Variants in RARB observed in about 807,000 individuals in gnomAD.
The protein encoded by RARB is retinoic acid receptor beta, also known as HBV-activated protein.
RARB carries 17 observed loss-of-function variants against 51.9 expected under a neutral mutation model. The observed-to-expected ratio is 0.33, with a 90% CI of 0.22 to 0.49. The LOEUF is 0.49. RARB is among the 20% of genes least tolerant of loss of function. The pLI is 0.99. For missense variants in RARB, 369 were observed against 550.8 expected (o/e 0.67, Z 3.30); for synonymous variants, 215 against 195.4 (o/e 1.10, Z -0.84).
chr3:25,256,858 A>G (rs956636349), intron 5 of RARB, among the ~76,000 whole-genome samples: 4 of 151,190 alleles, frequency 2.6e-5, no homozygotes, highest in Admixed American at 6.6e-5. Context: ...GGCACAGCAT[A>G]TTTTTTAGAG....
At chr3:25,087,974 A>G (rs568328037) in intron 3 of RARB, among the ~76,000 whole-genome samples, 18 of 152,064 alleles carry the variant, frequency 1.2e-4, no homozygotes, top group African/African-American at 3.6e-4. Flanking sequence ...TCTCCTAAGT[A>G]TAGGAACAAA....
At chr3:24,937,598 C>T (rs115223511) in intron 2 of RARB, among the ~76,000 whole-genome samples, 6 of 151,990 alleles carry the variant, frequency 3.9e-5, no homozygotes, top group Admixed American at 2.6e-4. Context: ...CAGTAGCGTG[C>T]GATACGGGAA....
intron 2 of RARB, among the ~76,000 whole-genome samples, chr3:25,045,460 A>C (rs1375899462): frequency 1.3e-5 from 2 of 152,160 alleles, no homozygotes; most frequent in African/African-American, 4.8e-5. Context: ...CCTTCCTGAC[A>C]TTCAAAGCCA....
chr3:25,116,216 A>C (rs1490951917), intron 3 of RARB, among the ~76,000 whole-genome samples: 1 of 152,176 alleles, frequency 6.6e-6, no homozygotes, highest in Non-Finnish European at 1.5e-5. Flanking sequence ...GAAATTGTAT[A>C]CTGCAGCAAC....
chr3:25,497,725 C>T (rs1465540725), intron 2 of RARB, among the ~76,000 whole-genome samples: 1 of 152,190 alleles, frequency 6.6e-6, no homozygotes. Context: ...CCTCCACTCT[C>T]TCCTCTCAGG....
intron 3 of RARB, among the ~76,000 whole-genome samples, chr3:25,079,711 T>G (rs1326216115): frequency 6.6e-6 from 1 of 152,208 alleles, no homozygotes; most frequent in Non-Finnish European, 1.5e-5. Context: ...TATATTACTT[T>G]TGTTTTAGAA....
At chr3:25,084,568 A>G (rs1219257980) in intron 3 of RARB, among the ~76,000 whole-genome samples, 4 of 152,032 alleles carry the variant, frequency 2.6e-5, no homozygotes, top group Non-Finnish European at 5.9e-5. Flanking sequence ...AACATCTCAG[A>G]TATTTTATGA....
chr3:25,054,579 T>C (rs1698400119), intron 2 of RARB, among the ~76,000 whole-genome samples: 1 of 152,158 alleles, frequency 6.6e-6, no homozygotes, highest in Non-Finnish European at 1.5e-5. Flanking sequence ...AGGCTGACTC[T>C]CAACAGTGTG....
intron 1 of RARB, among the ~76,000 whole-genome samples, chr3:24,843,416 G>A (rs1339632839): frequency 6.6e-6 from 1 of 152,100 alleles, no homozygotes; most frequent in Non-Finnish European, 1.5e-5. Context: ...TCATTGCCCT[G>A]AATTTACATT....
rs1391532900 is a variant in RARB, at chr3:25,419,940, G to GCAAAAAAAAAAAAA, written c.179-41253_179-41252insCAAAAAAAAAAAAA. Reference sequence around the variant, plus strand: ...AACAAAATGCAAAAAACTAATTTTGGAAGCCACCATGATATCTTCTCTAAG... The same window carrying GCAAAAAAAAAAAAA: ...AACAAAATGCAAAAAACTAATTTTGGCAAAAAAAAAAAAAAAGCCACCATGATATCTTCTCTAAG... On this transcript the variant is annotated intron_variant, in intron 5 of 11. Coordinates refer to the RARB transcript ENST00000383772. 5.3e-3 allele frequency among the ~76,000 whole-genome samples: 803 copies of GCAAAAAAAAAAAAA among 152,048 alleles called. 7 individuals carry two copies. The highest frequency in any genetic ancestry group is 0.018 in the African/African-American group (762 of 41,408).
intron 3 of RARB, among the ~76,000 whole-genome samples, chr3:25,130,027 A>G (rs1006560040): frequency 6.6e-6 from 1 of 152,098 alleles, no homozygotes; most frequent in South Asian, 2.1e-4. Context: ...GGAAGACCCT[A>G]TTAAAGACCT....
intron 3 of RARB, among the ~76,000 whole-genome samples, chr3:25,537,310 G>T (rs1164138450): frequency 2.6e-5 from 4 of 152,220 alleles, no homozygotes; most frequent in Non-Finnish European, 5.9e-5. Context: ...GTGAGCTTAT[G>T]TTCTTGTAAA....
At chr3:25,485,642 G>A (rs1347707895) in intron 2 of RARB, among the ~76,000 whole-genome samples, 1 of 152,110 alleles carries the variant, frequency 6.6e-6, no homozygotes, top group East Asian at 1.9e-4. Flanking sequence ...TCTCCTGCCA[G>A]GCCAAAAATC....
intron 5 of RARB, among the ~76,000 whole-genome samples, chr3:25,255,728 A>G (rs1702848238): frequency 6.6e-6 from 1 of 152,112 alleles, no homozygotes; most frequent in Non-Finnish European, 1.5e-5. Context: ...TGGACCTTTT[A>G]GTCGAGTTGC....
intron 5 of RARB, among the ~76,000 whole-genome samples, chr3:25,197,011 G>C (rs576038480): frequency 6.6e-6 from 1 of 152,246 alleles, no homozygotes; most frequent in East Asian, 1.9e-4. Flanking sequence ...CTCCCATTCT[G>C]TAGGTTGCCT....
At chr3:25,229,321 A>G (rs1377805213) in intron 5 of RARB, among the ~76,000 whole-genome samples, 2 of 152,134 alleles carry the variant, frequency 1.3e-5, no homozygotes, top group Non-Finnish European at 2.9e-5. Context: ...TAACTTTATT[A>G]TCTTTTACCA....
intron 2 of RARB, among the ~76,000 whole-genome samples, chr3:24,871,576 G>A (rs148228897): frequency 2.0e-4 from 31 of 152,146 alleles, no homozygotes; most frequent in Admixed American, 4.6e-4. Context: ...CAACATTTAC[G>A]TTCTTGGCTT....
intron 1 of RARB, among the ~76,000 whole-genome samples, chr3:24,833,972 A>T (rs1160737584): frequency 1.3e-5 from 2 of 152,212 alleles, no homozygotes; most frequent in East Asian, 1.9e-4. Flanking sequence ...TCCTGACATG[A>T]TAGATGTGTG....
intron 3 of RARB, among the ~76,000 whole-genome samples, chr3:25,506,454 A>C (rs1317708784): frequency 6.6e-6 from 1 of 151,898 alleles, no homozygotes; most frequent in Admixed American, 6.6e-5. Flanking sequence ...AAATTTTTTT[A>C]AAAATTAGCT....
Sources: allele counts gnomAD v4.1 joint callset (sites outside exome capture counted in the v4.1 genomes callset), GRCh38; gene constraint gnomAD v4.1.1; transcripts MANE v1.5; gene names NCBI Gene and HGNC (gene_info 2026-07-23, HGNC 2026-07-21).